Variants in TBC1D5 observed in about 807,000 individuals in gnomAD.
The protein encoded by TBC1D5 is TBC1 domain family member 5, also known as TBC1 domain family, member 5.
TBC1D5 carries 75 observed loss-of-function variants against 100.3 expected under a neutral mutation model. The ratio of observed to expected loss-of-function variants is 0.75; its 90% CI spans 0.62 to 0.91. The LOEUF (loss-of-function observed/expected upper bound fraction) is 0.91. TBC1D5 is among the 40% of genes least tolerant of loss of function. TBC1D5 has a pLI of 0.00. For missense variants in TBC1D5, 910 were observed against 942.4 expected, an observed-to-expected ratio of 0.97 and a Z score of 0.45; for synonymous variants, 323 against 325.6, an observed-to-expected ratio of 0.99 and a Z score of 0.09.
At chr3:17,370,748 C>T (rs955186526) in intron 13 of TBC1D5, among the ~76,000 whole-genome samples, 1 of 152,168 alleles carries the variant, frequency 6.6e-6, no homozygotes, top group East Asian at 1.9e-4. Flanking sequence ...ACACTATTCT[C>T]TTTTCTGGGT....
chr3:17,435,736 T>C (rs1432577170), intron 3 of TBC1D5, among the ~76,000 whole-genome samples: 1 of 152,172 alleles, frequency 6.6e-6, no homozygotes, highest in Non-Finnish European at 1.5e-5. Flanking sequence ...AAACATAAGA[T>C]AGACCACCTA....
At chr3:17,495,821 A>G (rs1560019511) in intron 3 of TBC1D5, among the ~76,000 whole-genome samples, 1 of 152,228 alleles carries the variant, frequency 6.6e-6, no homozygotes, top group Non-Finnish European at 1.5e-5. Context: ...ATTCCTCTCC[A>G]TAAGGGTGAT....
intron 2 of TBC1D5, among the ~76,000 whole-genome samples, chr3:17,540,321 C>A (rs2096337624): frequency 6.6e-6 from 1 of 152,176 alleles, no homozygotes; most frequent in Non-Finnish European, 1.5e-5. Flanking sequence ...TTTTGATTAA[C>A]AAAGTTTAAA....
chr3:17,599,740 C>A (rs1030156425), intron 2 of TBC1D5, among the ~76,000 whole-genome samples: 1 of 152,146 alleles, frequency 6.6e-6, no homozygotes, highest in Non-Finnish European at 1.5e-5. Context: ...CTCTGGCTCT[C>A]GATCACCTGC....
intron 1 of TBC1D5, among the ~76,000 whole-genome samples, chr3:17,698,774 C>T (rs1368831636): frequency 2.0e-5 from 3 of 148,774 alleles, no homozygotes; most frequent in Non-Finnish European, 4.5e-5. Context: ...ATTTATGCAG[C>T]CAAAAGACAC....
At chr3:17,736,863 A>C (rs1244305957) in intron 1 of TBC1D5, among the ~76,000 whole-genome samples, 1 of 152,146 alleles carries the variant, frequency 6.6e-6, no homozygotes, top group Non-Finnish European at 1.5e-5. Flanking sequence ...ATACAAAAAA[A>C]TTAGCTGGGC....
intron 1 of TBC1D5, among the ~76,000 whole-genome samples, chr3:17,648,800 T>C (rs1206566171): frequency 1.3e-5 from 2 of 152,142 alleles, no homozygotes; most frequent in South Asian, 2.1e-4. Context: ...ACCAGTCAAA[T>C]GGCTAGTATT....
At chr3:17,170,746 G>C (rs1353786277) in intron 19 of TBC1D5, among the ~76,000 whole-genome samples, 1 of 152,098 alleles carries the variant, frequency 6.6e-6, no homozygotes, top group East Asian at 1.9e-4. Context: ...GACCTAGAAG[G>C]CACTCAGAAA....
At chr3:17,495,400 T>C (rs189485830) in intron 3 of TBC1D5, among the ~76,000 whole-genome samples, 1 of 152,368 alleles carries the variant, frequency 6.6e-6, no homozygotes, top group Non-Finnish European at 1.5e-5. Flanking sequence ...ATCAAGCTAA[T>C]TTTTTAAATT....
At chr3:17,195,053 A>G (rs2070466380) in intron 18 of TBC1D5, among the ~76,000 whole-genome samples, 1 of 152,224 alleles carries the variant, frequency 6.6e-6, no homozygotes, top group Non-Finnish European at 1.5e-5. Flanking sequence ...CATTATTTGC[A>G]AAAGTCCTAT....
At chr3:17,703,895 A>G (rs2073558592) in intron 1 of TBC1D5, among the ~76,000 whole-genome samples, 1 of 102,158 alleles carries the variant, frequency 9.8e-6, no homozygotes, top group Non-Finnish European at 2.1e-5. Flanking sequence ...TACCACATTG[A>G]TATTTGTGTT....
At chr3:17,488,470 T>G (rs531911674) in intron 3 of TBC1D5, among the ~76,000 whole-genome samples, 2 of 152,318 alleles carry the variant, frequency 1.3e-5, no homozygotes, top group African/African-American at 4.8e-5. Context: ...GACGTAAGTT[T>G]TCAACACACT....
At chr3:17,162,610 T>C (rs2066177526) in intron 21 of TBC1D5, among the ~76,000 whole-genome samples, 1 of 152,152 alleles carries the variant, frequency 6.6e-6, no homozygotes, top group African/African-American at 2.4e-5. Flanking sequence ...TATTAACACA[T>C]TAACTCCTAC....
At chr3:17,515,748 A>G (rs2095977654) in intron 2 of TBC1D5, among the ~76,000 whole-genome samples, 1 of 152,176 alleles carries the variant, frequency 6.6e-6, no homozygotes, top group South Asian at 2.1e-4. Flanking sequence ...ACAGATCCTT[A>G]ATAGTTATAA....
At chr3:17,357,663 C>T (rs576422825) in intron 13 of TBC1D5, among the ~76,000 whole-genome samples, 1 of 152,304 alleles carries the variant, frequency 6.6e-6, no homozygotes, top group African/African-American at 2.4e-5. Context: ...CTTAGACGTA[C>T]TTAATAAATA....
At chr3:17,425,418 G>A (rs1475645166) in intron 4 of TBC1D5, among the ~76,000 whole-genome samples, 1 of 152,168 alleles carries the variant, frequency 6.6e-6, no homozygotes, top group Non-Finnish European at 1.5e-5. Context: ...CTTGAGCCCA[G>A]GAGTTTGAGA....
chr3:17,694,098 C>T (rs2071614088), intron 1 of TBC1D5, among the ~76,000 whole-genome samples: 4 of 152,226 alleles, frequency 2.6e-5, no homozygotes, highest in African/African-American at 9.6e-5. Context: ...AGGTCACCAA[C>T]ATCAAAGACC....
intron 2 of TBC1D5, among the ~76,000 whole-genome samples, chr3:17,616,404 C>T (rs1221364962): frequency 6.6e-6 from 1 of 151,018 alleles, no homozygotes; most frequent in Non-Finnish European, 1.5e-5. Flanking sequence ...TCTATTAGAT[C>T]CAATTAGTGC....
intron 17 of TBC1D5, among the ~76,000 whole-genome samples, chr3:17,218,027 G>A (rs997805062): frequency 6.6e-6 from 1 of 151,886 alleles, no homozygotes; most frequent in Non-Finnish European, 1.5e-5. Context: ...GTTAATTTTT[G>A]TATACAGCGT....
Sources: allele counts gnomAD v4.1 joint callset (sites outside exome capture counted in the v4.1 genomes callset), GRCh38; gene constraint gnomAD v4.1.1; transcripts MANE v1.5; gene names NCBI Gene and HGNC (gene_info 2026-07-23, HGNC 2026-07-21).